Variants in HLA-DPB1 observed in about 807,000 individuals in gnomAD.
HLA-DPB1 encodes the protein major histocompatibility complex, class II, DP beta 1, also known as HLA class II histocompatibility antigen, DP beta 1 chain.
In HLA-DPB1, 30 loss-of-function variants were observed where a neutral mutation model predicts 29.4. The observed-to-expected ratio is 1.02, with a 90% CI of 0.76 to 1.38. The LOEUF is 1.38. Among genes scored for constraint, HLA-DPB1 ranks in the 40% most tolerant of loss-of-function variants. The pLI is 0.00. For synonymous variants in HLA-DPB1, 114 were observed against 134.0 expected, an observed-to-expected ratio of 0.85 and a Z score of 1.03; for missense variants, 261 against 327.5, an observed-to-expected ratio of 0.80 and a Z score of 1.57.
At position 33,079,944 on chromosome 6, in the gene HLA-DPB1, ACT is replaced by A; in HGVS notation, c.101-725_101-724del. 3 of 236,254 alleles carry A rather than the reference ACT, an allele frequency of 1.3e-5. No individual in the cohort carries two copies. In the South Asian group the frequency reaches 1.5e-4, roughly 11 times the overall value. The allele number at this position is 236,254 out of a possible 1,614,324, so 14.6% of individuals were successfully genotyped here. On this transcript the variant is annotated intron_variant, in intron 1 of 5. Coordinates refer to ENST00000418931, the MANE Select transcript of HLA-DPB1 (RefSeq NM_002121.6). ...ACATCAATGCCTCTAAACCCAAAGG[ACT>A]CTACCCCCACAGGTCCCTGGTTGTT...
At chr6:33,078,260 G>A (rs115701130) in intron 1 of HLA-DPB1, among the ~76,000 whole-genome samples, 56 of 152,270 alleles carry the variant, frequency 3.7e-4, no homozygotes, top group African/African-American at 1.3e-3. Context: ...GGGACTGAGG[G>A]TAGATTACTG....
intron 1 of HLA-DPB1, among the ~76,000 whole-genome samples, chr6:33,078,111 G>A (rs1183689388): frequency 6.6e-6 from 1 of 152,008 alleles, no homozygotes; most frequent in African/African-American, 2.4e-5. Context: ...ACAGTGTTGG[G>A]AGCCACCAAG....
At chr6:33,079,650 A>AC (rs1440615403) in intron 1 of HLA-DPB1, 21 of 472,668 alleles carry the variant, frequency 4.4e-5, no homozygotes, top group South Asian at 7.9e-5. Context: ...AACAACAACA[A>AC]AAAAAACATG....
intron 5 of HLA-DPB1, 37 bp downstream of exon 5, chr6:33,086,279 T>C: frequency 6.7e-7 from 1 of 1,489,416 alleles, no homozygotes; most frequent in Non-Finnish European, 9.3e-7. Flanking sequence ...TGGGGTGGGT[T>C]GCAGGAGGAT....
chr6:33,083,322 A>C (rs1365118650), intron 2 of HLA-DPB1, among the ~76,000 whole-genome samples: 1 of 152,236 alleles, frequency 6.6e-6, no homozygotes, highest in Non-Finnish European at 1.5e-5. Context: ...CTGAGTGATT[A>C]GGGACCTAGA....
At chr6:33,085,287 C>A (rs1471146808) in intron 3 of HLA-DPB1, 56 bp downstream of exon 3, 2 of 1,434,368 alleles carry the variant, frequency 1.4e-6, no homozygotes, top group Non-Finnish European at 1.9e-6. Context: ...GACTCTCTGG[C>A]TCTGGGGTCC....
In HLA-DPB1 at chr6:33,083,341, T is replaced by C. The variant is rs377295283; in HGVS notation, c.365-1609T>C. Among the ~76,000 whole-genome samples the C allele has an allele frequency of 5.4e-4, 82 of 152,350 alleles. 1 individual carries two copies. The South Asian group carries it at 7.5e-3, about 14-fold the overall frequency. ...GTGATTAGGGACCTAGAAGACTAAT[T>C]TGAGACATTCCTCTTGATGAGCTGT... On this transcript the variant is annotated intron_variant, in intron 2 of 5. Transcript: ENST00000418931.
intron 1 of HLA-DPB1, among the ~76,000 whole-genome samples, chr6:33,077,607 G>A (rs1239246046): frequency 6.6e-6 from 1 of 152,074 alleles, no homozygotes; most frequent in Non-Finnish European, 1.5e-5. Flanking sequence ...TCTGTTGGTG[G>A]GACTGTAAAC....
In HLA-DPB1 at chr6:33,086,726, A is replaced by G; in HGVS notation, c.*192A>G. On this transcript the variant is annotated 3_prime_UTR_variant, in exon 6 of 6. Coordinates refer to ENST00000418931, the MANE Select transcript of HLA-DPB1 (RefSeq NM_002121.6). The stretch of plus-strand genomic sequence containing the variant: ...CACTGTTTCTCTCACTGGGCCTCCA[A>G]CCATGTTCCCTTCTTCTTAGCACCA... 1 of 408,322 alleles carries G rather than the reference A, an allele frequency of 2.4e-6. No individual in the cohort carries two copies. Among genetic ancestry groups the G allele is most frequent in the South Asian group, 1.9e-5 (1 of 51,422 alleles). 25.3% of individuals were successfully genotyped at this position (408,322 alleles called of 1,614,324 possible). A position where few individuals can be genotyped will look rare whatever the true frequency, so the allele number is the denominator to read the frequency against.
At chr6:33,081,011 T>C (rs2150373356) in intron 2 of HLA-DPB1, 76 bp downstream of exon 2, 1 of 1,449,128 alleles carries the variant, frequency 6.9e-7, no homozygotes, top group East Asian at 2.4e-5. Flanking sequence ...GCAGCCGGGT[T>C]GGCCTAAGGG....
intron 2 of HLA-DPB1, 93 bp downstream of exon 2, chr6:33,081,028 G>T: frequency 7.3e-7 from 1 of 1,369,912 alleles, no homozygotes; most frequent in Non-Finnish European, 9.6e-7. Context: ...AGGGACCTTA[G>T]TGCCGGGCGG....
rs192449683 is a variant in HLA-DPB1 at position 33,087,948 on chromosome 6, G to T, written c.*1414G>T. ...TTCTTTTTAAAACATCTTTATCCCT[G>T]ATCAGCCTCATTTCCTCAAAAACTA... On this transcript the variant is annotated 3_prime_UTR_variant, in exon 6 of 6. Coordinates refer to ENST00000418931, the MANE Select transcript of HLA-DPB1 (RefSeq NM_002121.6). 1.3e-3 allele frequency among the ~76,000 whole-genome samples: 203 copies of T among 151,282 alleles called. No individual in the cohort carries two copies. The Middle Eastern group carries it at 0.014, about 10-fold the overall frequency.
rs766141291 is a variant in HLA-DPB1, at chr6:33,085,815, C to T, written c.683C>T (p.Thr228Met). 25 of 1,613,882 alleles carry T rather than the reference C, an allele frequency of 1.5e-5. No individual in the cohort carries two copies. Among genetic ancestry groups the T allele is most frequent in the African/African-American group, 4.0e-5 (3 of 74,890 alleles). The change falls in exon 4 of 6, where the codon ACG becomes ATG. Residue 228 changes from threonine (T) to methionine (M), a missense_variant. By Grantham distance (81) the Thr-to-Met change is moderately conservative (BLOSUM62 -1). Coordinates refer to ENST00000418931, the MANE Select transcript of HLA-DPB1 (RefSeq NM_002121.6). Reference sequence around the variant, plus strand: ...GATTCTGCCCGGAGTAAGACATTGACGGGAGCTGGGGGCTTCGTGCTGGGG... The same window carrying T: ...GATTCTGCCCGGAGTAAGACATTGATGGGAGCTGGGGGCTTCGTGCTGGGG... ...QSDSARSKTL[T>M]GAGGFVLGLI... is the part of the protein sequence containing the mutation.
rs1562157838 is a variant in HLA-DPB1, at chr6:33,085,147, C to T, written c.562C>T (p.Leu188=). The change falls in exon 3 of 6, where the codon CTG becomes TTG. Residue 188 remains leucine, a synonymous_variant. Transcript: ENST00000418931. ...GDWTFQILVM[L]EMTPQQGDVY... is the part of the protein sequence containing the mutation. ...CTGGACCTTCCAGATCCTGGTGATGCTGGAAATGACCCCCCAGCAGGGAGA... is the reference window on the plus strand; with the variant it reads ...CTGGACCTTCCAGATCCTGGTGATGTTGGAAATGACCCCCCAGCAGGGAGA... 1.2e-6 allele frequency: 2 copies of T among 1,613,868 alleles called. No homozygotes were observed. The highest frequency in any genetic ancestry group is 1.7e-6 in the Non-Finnish European group (2 of 1,179,904).
intron 2 of HLA-DPB1, chr6:33,081,213 C>T (rs911073015): frequency 1.0e-5 from 5 of 491,484 alleles, no homozygotes; most frequent in African/African-American, 1.9e-5. Context: ...AAAAGGAAGC[C>T]ACAGGACAGC....
Position 33,080,905 on chromosome 6 carries a change from C to G in HLA-DPB1, c.334C>G (p.Leu112Val). The change falls in exon 2 of 6, where the codon CTG becomes GTG. Residue 112 changes from leucine (L) to valine (V), a missense_variant. Transcript: ENST00000418931. The surrounding 1 kb of genome is among the most constrained non-coding windows in gnomAD (Gnocchi z 4.3). ...CAGGATGTGCAGACACAACTACGAG[C>G]TGGGCGGGCCCATGACCCTGCAGCG... is the stretch of plus-strand genomic sequence containing the variant. ...PDRMCRHNYE[L>V]GGPMTLQRRV... 7.5e-6 allele frequency: 12 copies of G among 1,605,656 alleles called. No homozygotes were observed. Among genetic ancestry groups the G allele is most frequent in the African/African-American group, 1.3e-5 (1 of 74,990 alleles).
chr6:33,081,421 A>G (rs1467656903), intron 2 of HLA-DPB1, among the ~76,000 whole-genome samples: 1 of 151,930 alleles, frequency 6.6e-6, no homozygotes, highest in Non-Finnish European at 1.5e-5. Context: ...ACCCAGGGGG[A>G]AGAGCAAAGG....
rs893899064 is a variant in HLA-DPB1 at position 33,089,442 on chromosome 6, C to T, written c.*2908C>T. ...TCATGCAGGAAGCTCTGCTCATCAT[C>T]GTACTCAGGAAGTCAGGCTGACAGT... On this transcript the variant is annotated 3_prime_UTR_variant, in exon 6 of 6. Coordinates refer to ENST00000418931, the MANE Select transcript of HLA-DPB1 (RefSeq NM_002121.6). Among the ~76,000 whole-genome samples, 2 of 152,196 alleles carry T rather than the reference C, an allele frequency of 1.3e-5. No individual in the cohort carries two copies.
intron 1 of HLA-DPB1, among the ~76,000 whole-genome samples, chr6:33,076,980 T>C (rs1189385852): frequency 3.3e-5 from 5 of 152,064 alleles, no homozygotes; most frequent in Non-Finnish European, 5.9e-5. Flanking sequence ...GCAGGTTTGT[T>C]ACATATGTAT....
Sources: allele counts gnomAD v4.1 joint callset (sites outside exome capture counted in the v4.1 genomes callset), GRCh38; gene constraint gnomAD v4.1.1; non-coding constraint Gnocchi (gnomAD v3.1); transcripts MANE v1.5; gene names NCBI Gene and HGNC (gene_info 2026-07-23, HGNC 2026-07-21).